Variants in NTM observed in about 807,000 individuals in gnomAD.
NTM encodes neurotrimin.
In NTM, 13 loss-of-function variants were observed where a neutral mutation model predicts 42.1. The ratio of observed to expected loss-of-function variants is 0.31; its 90% CI spans 0.20 to 0.49. NTM has a LOEUF of 0.49. Among genes scored for constraint, NTM ranks in the 20% least tolerant of loss-of-function variants. NTM has a pLI of 0.99. For missense variants in NTM, 373 were observed against 452.8 expected (o/e 0.82, Z 1.60); for synonymous variants, 187 against 179.2 (o/e 1.04, Z -0.35).
intron 1 of NTM, among the ~76,000 whole-genome samples, chr11:131,401,828 A>G (rs75687321): frequency 0.031 from 1,656 of 52,764 alleles, 50 homozygotes; most frequent in African/African-American, 0.065. Flanking sequence ...ATATATATAT[A>G]TATATATATA....
At chr11:132,192,659 A>G (rs2079499039) in intron 3 of NTM, among the ~76,000 whole-genome samples, 2 of 152,186 alleles carry the variant, frequency 1.3e-5, no homozygotes, top group African/African-American at 4.8e-5. Context: ...ATCAATATTG[A>G]CATTGAATAT....
chr11:131,577,205 T>C (rs1456851978), intron 1 of NTM, among the ~76,000 whole-genome samples: 1 of 152,236 alleles, frequency 6.6e-6, no homozygotes, highest in African/African-American at 2.4e-5. Flanking sequence ...GAAGAAATCA[T>C]GTATTTGAAC....
chr11:131,894,936 G>A (rs981214582), intron 1 of NTM, among the ~76,000 whole-genome samples: 3 of 152,198 alleles, frequency 2.0e-5, no homozygotes, highest in African/African-American at 4.8e-5. Flanking sequence ...TGGGAGAAGA[G>A]CAGGCTTTGC....
intron 1 of NTM, among the ~76,000 whole-genome samples, chr11:131,466,162 C>T (rs1318861653): frequency 1.3e-5 from 2 of 152,062 alleles, no homozygotes; most frequent in Non-Finnish European, 2.9e-5. Flanking sequence ...GGATTGTGCC[C>T]GTCGAAGGAG....
At chr11:132,193,465 C>A (rs1171715984) in intron 3 of NTM, among the ~76,000 whole-genome samples, 2 of 150,724 alleles carry the variant, frequency 1.3e-5, no homozygotes, top group South Asian at 2.1e-4. Context: ...TCGAAACTAA[C>A]AAAAATGGAA....
At chr11:131,579,896 G>A (rs967812249) in intron 1 of NTM, among the ~76,000 whole-genome samples, 1 of 152,174 alleles carries the variant, frequency 6.6e-6, no homozygotes, top group Non-Finnish European at 1.5e-5. Flanking sequence ...AGTTGAGTGA[G>A]CCCCATGATT....
At chr11:131,376,245 A>G (rs908398124) in intron 1 of NTM, among the ~76,000 whole-genome samples, 2 of 152,226 alleles carry the variant, frequency 1.3e-5, no homozygotes, top group African/African-American at 2.4e-5. Context: ...AGAGTCTTCC[A>G]TTATTTGGTA....
chr11:131,501,103 G>C (rs113405542), intron 1 of NTM, among the ~76,000 whole-genome samples: 1,727 of 151,976 alleles, frequency 0.011, 36 homozygotes, highest in African/African-American at 0.039. Context: ...TCTGACTTCC[G>C]GACCTGCCTA....
chr11:132,051,407 G>A (rs1026712647), intron 2 of NTM, among the ~76,000 whole-genome samples: 2 of 152,138 alleles, frequency 1.3e-5, no homozygotes, highest in African/African-American at 2.4e-5. Flanking sequence ...TCTTGAATCC[G>A]CAGTCTCAAC....
rs116187058 is a variant in NTM at position 131,736,500 on chromosome 11, G to A, written c.83-175064G>A. Among the ~76,000 whole-genome samples, 339 of 152,300 alleles carry A rather than the reference G, an allele frequency of 2.2e-3. 3 individuals are homozygous for A. Among genetic ancestry groups the A allele is most frequent in the African/African-American group, 7.6e-3 (314 of 41,566 alleles). ...AGCTCTGTGGTGCCCGGTGGGAGGC[G>A]TAGCCCTTTCTGCCCTTTCTGCCAA... is the stretch of plus-strand genomic sequence containing the variant. On this transcript the variant is annotated intron_variant, in intron 1 of 8. Coordinates refer to ENST00000683400, the MANE Select transcript of NTM (RefSeq NM_001352005.2).
At chr11:132,118,349 G>T (rs1215335276) in intron 2 of NTM, among the ~76,000 whole-genome samples, 2 of 152,158 alleles carry the variant, frequency 1.3e-5, no homozygotes, top group Admixed American at 1.3e-4. Flanking sequence ...ACAATATATG[G>T]TAATCAACAA....
At chr11:132,053,123 C>T (rs2079094823) in intron 2 of NTM, among the ~76,000 whole-genome samples, 1 of 152,282 alleles carries the variant, frequency 6.6e-6, no homozygotes, top group African/African-American at 2.4e-5. Flanking sequence ...CAGCCCTGGG[C>T]ATGCATGATT....
At chr11:131,663,399 C>T (rs181517240) in intron 1 of NTM, 270 of 152,372 alleles carry the variant, frequency 1.8e-3, no homozygotes, top group Admixed American at 4.2e-3. Context: ...GCGCCAGTGC[C>T]CCAGGTTGGC....
At chr11:132,233,626 G>A (rs1230339738) in intron 4 of NTM, among the ~76,000 whole-genome samples, 1 of 152,114 alleles carries the variant, frequency 6.6e-6, no homozygotes, top group Non-Finnish European at 1.5e-5. Context: ...ACACAGCCAT[G>A]CCCATTTGTT....
At chr11:131,625,145 A>C (rs2062972208) in intron 1 of NTM, among the ~76,000 whole-genome samples, 1 of 152,152 alleles carries the variant, frequency 6.6e-6, no homozygotes, top group African/African-American at 2.4e-5. Context: ...TGTAGAGGAA[A>C]CCACATCATT....
intron 1 of NTM, among the ~76,000 whole-genome samples, chr11:131,409,014 G>A (rs899861109): frequency 1.3e-5 from 2 of 152,194 alleles, no homozygotes; most frequent in Non-Finnish European, 2.9e-5. Flanking sequence ...ACCGTGCCAG[G>A]CAGGGACTGC....
chr11:131,757,043 GC>G (rs951511800), intron 1 of NTM, among the ~76,000 whole-genome samples: 3 of 152,186 alleles, frequency 2.0e-5, no homozygotes. Flanking sequence ...CACATCCCAT[GC>G]CTTCAGCAGG....
chr11:132,226,678 A>G (rs12364817), intron 4 of NTM, among the ~76,000 whole-genome samples: 99,953 of 152,104 alleles, frequency 0.66, 33,203 homozygotes, highest in Middle Eastern at 0.77. Flanking sequence ...CAGTAAAGGC[A>G]TAAAGGTATG....
In NTM at chr11:132,330,038, G is replaced by T. The variant is rs540644785; in HGVS notation, c.935-115G>T. ...ACAGCAAGGGACATGGGCAAGAGGC[G>T]CAGGGACGCTGCTGCGCCAGGAGCG... is the stretch of plus-strand genomic sequence containing the variant. On this transcript the variant is annotated intron_variant, in intron 7 of 8. Coordinates refer to ENST00000683400, the MANE Select transcript of NTM (RefSeq NM_001352005.2). 46 of 1,490,210 alleles carry T rather than the reference G, an allele frequency of 3.1e-5. No homozygotes were observed. The Middle Eastern group carries it at 4.0e-3, about 131-fold the overall frequency. 92.3% of individuals were successfully genotyped at this position (1,490,210 alleles called of 1,614,324 possible). A position where few individuals can be genotyped will look rare whatever the true frequency, so the allele number is the denominator to read the frequency against.
Sources: allele counts gnomAD v4.1 joint callset (sites outside exome capture counted in the v4.1 genomes callset), GRCh38; gene constraint gnomAD v4.1.1; transcripts MANE v1.5; gene names NCBI Gene and HGNC (gene_info 2026-07-23, HGNC 2026-07-21).